The following BCL9 variants were observed in gnomAD, a reference collection of about 807,000 sequenced individuals.
The protein encoded by BCL9 is BCL9 transcription coactivator, also known as B-cell CLL/lymphoma 9 protein.
Under a neutral mutation model 88.5 loss-of-function variants are expected in BCL9, and 25 were observed. The observed-to-expected ratio is 0.28, with a 90% CI of 0.21 to 0.39. BCL9 has a LOEUF of 0.39. BCL9 is among the 10% of genes least tolerant of loss of function. BCL9 has a pLI of 1.00. For synonymous variants in BCL9, 711 were observed against 673.3 expected, an observed-to-expected ratio of 1.06 and a Z score of -0.87; for missense variants, 1,817 against 1,877.8, an observed-to-expected ratio of 0.97 and a Z score of 0.60.
chr1:147,546,669 C>G (rs1331843043), intron 1 of BCL9, among the ~76,000 whole-genome samples: 1 of 152,100 alleles, frequency 6.6e-6, no homozygotes, highest in Non-Finnish European at 1.5e-5. Context: ...TATATGAAGC[C>G]CAATTCAAGA....
At chr1:147,604,480 C>T (rs1657551583) in intron 1 of BCL9, among the ~76,000 whole-genome samples, 1 of 152,142 alleles carries the variant, frequency 6.6e-6, no homozygotes, top group African/African-American at 2.4e-5. Flanking sequence ...ATGTTAAAAA[C>T]AATGATTAAA....
At chr1:147,590,611 T>G (rs1656806597) in intron 1 of BCL9, among the ~76,000 whole-genome samples, 1 of 86,408 alleles carries the variant, frequency 1.2e-5, no homozygotes, top group Admixed American at 1.3e-4. Flanking sequence ...GAATCACCAC[T>G]CATCATCACA....
intron 8 of BCL9, among the ~76,000 whole-genome samples, chr1:147,621,807 A>G (rs112996970): frequency 6.6e-6 from 1 of 152,302 alleles, no homozygotes; most frequent in African/African-American, 2.4e-5. Flanking sequence ...TCTTGGTTCA[A>G]ACATCTTGGT....
intron 3 of BCL9, among the ~76,000 whole-genome samples, chr1:147,608,431 G>A (rs1657840242): frequency 7.0e-6 from 1 of 142,420 alleles, no homozygotes; most frequent in Non-Finnish European, 1.5e-5. Flanking sequence ...AGGGGAAAAT[G>A]AGAGCTCTCA....
chr1:147,555,140 C>G (rs1322455982), intron 1 of BCL9, among the ~76,000 whole-genome samples: 1 of 152,114 alleles, frequency 6.6e-6, no homozygotes, highest in Non-Finnish European at 1.5e-5. Flanking sequence ...TTATCCTCAT[C>G]TTTCAGATGC....
chr1:147,622,199 A>T, intron 8 of BCL9, 72 bp from the exon 9 acceptor site: 1 of 1,575,980 alleles, frequency 6.3e-7, no homozygotes, highest in Non-Finnish European at 8.6e-7. Context: ...CTAGTTCATA[A>T]TCATAGGGCC....
chr1:147,620,334 G>C lies in BCL9; in HGVS notation c.2179G>C (p.Gly727Arg), dbSNP rs143649274. ...KGDVNLNVNM[G>R]SNSQMIPQKM... Reference sequence around the variant, plus strand: ...AGATGTCAATCTAAATGTCAACATGGGATCCAACTCTCAGATGATACCTCA... The same window carrying C: ...AGATGTCAATCTAAATGTCAACATGCGATCCAACTCTCAGATGATACCTCA... The change falls in exon 8 of 10, where the codon GGA (glycine) becomes CGA (arginine). Residue 727 changes from glycine to arginine, a missense_variant. Gly to Arg is a moderately radical substitution (Grantham distance 125). Coordinates refer to ENST00000234739, the MANE Select transcript of BCL9 (RefSeq NM_004326.4). 1 of 1,614,214 alleles carries C rather than the reference G, an allele frequency of 6.2e-7. No homozygotes were observed. The highest frequency in any genetic ancestry group is 1.3e-5 in the African/African-American group (1 of 75,062).
chr1:147,578,888 T>G (rs1553198334), intron 1 of BCL9, among the ~76,000 whole-genome samples: 1 of 151,604 alleles, frequency 6.6e-6, no homozygotes, highest in African/African-American at 2.4e-5. Context: ...TTTTTTGAGA[T>G]AAAGTCTCAC....
At chr1:147,612,755 G>A (rs968007738) in intron 4 of BCL9, 128 bp from the exon 5 acceptor site, 4 of 874,244 alleles carry the variant, frequency 4.6e-6, no homozygotes, top group South Asian at 3.4e-5. Flanking sequence ...AATGGCTGAG[G>A]TGAATCATGG....
chr1:147,579,008 G>A (rs1380431169), intron 1 of BCL9, among the ~76,000 whole-genome samples: 2 of 152,108 alleles, frequency 1.3e-5, no homozygotes, highest in Non-Finnish European at 2.9e-5. Context: ...TGGGATTACA[G>A]GCGCCTGCCA....
chr1:147,552,058 C>T (rs1052762850), intron 1 of BCL9, among the ~76,000 whole-genome samples: 25 of 151,974 alleles, frequency 1.6e-4, no homozygotes, highest in African/African-American at 6.0e-4. Flanking sequence ...TGGAGAGAGA[C>T]AGATATTCAC....
intron 8 of BCL9, among the ~76,000 whole-genome samples, chr1:147,622,060 C>A (rs181714283): frequency 6.6e-6 from 1 of 152,250 alleles, no homozygotes; most frequent in African/African-American, 2.4e-5. Context: ...ATCTGCTGAT[C>A]GGTCATGTCA....
At chr1:147,562,220 C>T (rs1655409947) in intron 1 of BCL9, among the ~76,000 whole-genome samples, 5 of 152,144 alleles carry the variant, frequency 3.3e-5, no homozygotes, top group South Asian at 2.1e-4. Flanking sequence ...CCTAGCTACT[C>T]GGGAAGGCTG....
At position 147,619,885 on chromosome 1, in the gene BCL9, A is replaced by C; in HGVS notation, c.1730A>C (p.Asn577Thr). Residue 577 changes from asparagine (N) to threonine (T), a missense_variant, in exon 8 of 10, where the codon AAT (asparagine) becomes ACT (threonine). Physicochemically the swap from Asn to Thr is moderately conservative, Grantham distance 65 (BLOSUM62 0). Transcript: ENST00000234739. This position sits in a 1 kb window ranked among gnomAD's most constrained non-coding sequence, Gnocchi z 4.1. ...ATAAACTCTGAAATGGAAGGGCCGA[A>C]TGTCCCCAACCCTGCATCTAGACCA... ...GMINSEMEGP[N>T]VPNPASRPGL... 1.9e-6 allele frequency: 3 copies of C among 1,614,212 alleles called. No individual in the cohort carries two copies. The highest frequency in any genetic ancestry group is 2.5e-6 in the Non-Finnish European group (3 of 1,180,044).
chr1:147,587,859 A>T (rs1656687848), intron 1 of BCL9, among the ~76,000 whole-genome samples: 1 of 151,806 alleles, frequency 6.6e-6, no homozygotes, highest in Non-Finnish European at 1.5e-5. Flanking sequence ...TTTCTGTGTC[A>T]TGGGCCCCCA....
intron 1 of BCL9, among the ~76,000 whole-genome samples, chr1:147,569,842 A>T (rs1482096504): frequency 2.0e-5 from 3 of 152,166 alleles, no homozygotes; most frequent in Admixed American, 1.3e-4. Context: ...AATCTGCAGG[A>T]TAATGTAGGA....
intron 1 of BCL9, among the ~76,000 whole-genome samples, chr1:147,581,526 A>G (rs1553198630): frequency 6.6e-6 from 1 of 152,210 alleles, no homozygotes; most frequent in Non-Finnish European, 1.5e-5. Flanking sequence ...ATCCTTCTAA[A>G]GTGTGAACCG....
chr1:147,622,583 C>T (rs781806547), intron 9 of BCL9, 52 bp downstream of exon 9: 4 of 1,601,422 alleles, frequency 2.5e-6, no homozygotes, highest in South Asian at 1.1e-5. Flanking sequence ...CAAAGAGAAA[C>T]CTCTTGAAGC....
rs77364506 is a variant in BCL9, at chr1:147,577,500, G to A, written c.-477-27277G>A. ...TTTGGCAAACAAAAGGACGAATGCC[G>A]TGGAATGTTCTGGAGGTATCATCTA... On this transcript the variant is annotated intron_variant, in intron 1 of 9. Coordinates refer to ENST00000234739, the MANE Select transcript of BCL9 (RefSeq NM_004326.4). Among the ~76,000 whole-genome samples, 453 of 152,238 alleles carry A rather than the reference G, an allele frequency of 3.0e-3. 2 individuals are homozygous for A. The highest frequency in any genetic ancestry group is 0.011 in the African/African-American group (437 of 41,548).
Sources: allele counts gnomAD v4.1 joint callset (sites outside exome capture counted in the v4.1 genomes callset), GRCh38; gene constraint gnomAD v4.1.1; non-coding constraint Gnocchi (gnomAD v3.1); transcripts MANE v1.5; gene names NCBI Gene and HGNC (gene_info 2026-07-23, HGNC 2026-07-21).